The following THSD7B variants were observed in gnomAD, a reference collection of about 807,000 sequenced individuals.
The protein encoded by THSD7B is thrombospondin type 1 domain containing 7B, also known as thrombospondin type-1 domain-containing protein 7B.
Under a neutral mutation model 213.6 loss-of-function variants are expected in THSD7B, and 138 were observed. The ratio of observed to expected loss-of-function variants is 0.65; its 90% confidence interval spans 0.56 to 0.74. THSD7B has a LOEUF of 0.74. Ranked by LOEUF, THSD7B falls within the 30% of genes least tolerant of loss-of-function variation. THSD7B has a pLI of 0.00. For synonymous variants in THSD7B, 742 were observed against 687.0 expected, an observed-to-expected ratio of 1.08 and a Z score of -1.25; for missense variants, 1,931 against 1,991.5, an observed-to-expected ratio of 0.97 and a Z score of 0.58.
chr2:137,136,958 C>T (rs554933833), intron 5 of THSD7B, among the ~76,000 whole-genome samples: 41 of 152,258 alleles, frequency 2.7e-4, no homozygotes, highest in Non-Finnish European at 4.1e-4. Context: ...AAATTGCTTT[C>T]GCCAATGTTC....
intron 1 of THSD7B, among the ~76,000 whole-genome samples, chr2:136,806,556 T>G (rs762588885): frequency 2.6e-5 from 4 of 152,204 alleles, no homozygotes; most frequent in Non-Finnish European, 5.9e-5. Context: ...AATAAACTTT[T>G]AATTTTAGAA....
At chr2:137,105,173 A>C (rs547567325) in intron 4 of THSD7B, among the ~76,000 whole-genome samples, 1 of 152,358 alleles carries the variant, frequency 6.6e-6, no homozygotes, top group Non-Finnish European at 1.5e-5. Context: ...GTACTGGCAA[A>C]TCGAATCCAG....
intron 3 of THSD7B, among the ~76,000 whole-genome samples, chr2:137,067,911 C>T (rs777810463): frequency 6.6e-6 from 1 of 152,040 alleles, no homozygotes; most frequent in Non-Finnish European, 1.5e-5. Context: ...GGTATACTCA[C>T]AAAAGTATAG....
intron 15 of THSD7B, among the ~76,000 whole-genome samples, chr2:137,480,260 T>C (rs745546458): frequency 6.6e-6 from 1 of 152,170 alleles, no homozygotes; most frequent in Non-Finnish European, 1.5e-5. Context: ...ATAGAAAATC[T>C]CCTTTATCAT....
intron 15 of THSD7B, among the ~76,000 whole-genome samples, chr2:137,558,828 C>A (rs1360885660): frequency 6.6e-6 from 1 of 152,118 alleles, no homozygotes; most frequent in African/African-American, 2.4e-5. Context: ...TCATCTCAGC[C>A]CCAAATCTCC....
chr2:136,775,167 T>G (rs1276961528), intron 1 of THSD7B, among the ~76,000 whole-genome samples: 1 of 152,160 alleles, frequency 6.6e-6, no homozygotes, highest in Non-Finnish European at 1.5e-5. Context: ...GGCATCTTAC[T>G]CATTTTTGGA....
chr2:136,878,875 G>A lies in THSD7B; in HGVS notation c.-35-3269G>A, dbSNP rs947493273. Among the ~76,000 whole-genome samples the A allele has an allele frequency of 1.8e-4, 27 of 152,226 alleles. 1 individual carries two copies. The highest frequency in any genetic ancestry group is 3.8e-4 in the African/African-American group (16 of 41,572). On this transcript the variant is annotated intron_variant, in intron 1 of 27. Transcript: ENST00000409968. ...CTCCCATTCTGTAGGTTGCCTGTTT[G>A]CTCTGGTGGTAGTTTCTTTTGCGGT...
chr2:137,257,055 C>T (rs1319885419), intron 10 of THSD7B, among the ~76,000 whole-genome samples: 3 of 152,068 alleles, frequency 2.0e-5, no homozygotes, highest in Admixed American at 6.6e-5. Context: ...TCTTTGGCAT[C>T]TTATAAAGCT....
chr2:136,923,480 G>A (rs1684470721), intron 2 of THSD7B, among the ~76,000 whole-genome samples: 1 of 152,070 alleles, frequency 6.6e-6, no homozygotes, highest in African/African-American at 2.4e-5. Flanking sequence ...AATATATCTG[G>A]GGTTGTTGGA....
intron 1 of THSD7B, among the ~76,000 whole-genome samples, chr2:136,860,213 G>C (rs1411869453): frequency 6.6e-6 from 1 of 151,956 alleles, no homozygotes; most frequent in African/African-American, 2.4e-5. Context: ...AGTAGAATGA[G>C]AGAACTCAAA....
At chr2:137,476,620 G>A (rs533722646) in intron 15 of THSD7B, among the ~76,000 whole-genome samples, 75 of 152,280 alleles carry the variant, frequency 4.9e-4, no homozygotes, top group African/African-American at 1.7e-3. Flanking sequence ...TGGAAAATCA[G>A]TTGTCTATAA....
chr2:137,559,531 A>T (rs1337553613), intron 15 of THSD7B, among the ~76,000 whole-genome samples: 1 of 152,208 alleles, frequency 6.6e-6, no homozygotes, highest in Admixed American at 6.5e-5. Context: ...CTGAAACTGG[A>T]TCCCTTCCTT....
At chr2:137,329,302 T>C (rs1279014835) in intron 12 of THSD7B, among the ~76,000 whole-genome samples, 2 of 152,220 alleles carry the variant, frequency 1.3e-5, no homozygotes, top group African/African-American at 4.8e-5. Flanking sequence ...ATATTGTCCC[T>C]GCCCTAGAGA....
In THSD7B at chr2:137,063,363, T is replaced by A. The variant is rs1458202728; in HGVS notation, c.950+6133T>A. Among the ~76,000 whole-genome samples the A allele has an allele frequency of 2.0e-5, 3 of 151,942 alleles. No homozygotes were observed. The East Asian group carries it at 5.8e-4, about 29-fold the overall frequency. On this transcript the variant is annotated intron_variant, in intron 3 of 27. Transcript: ENST00000409968. ...TCCTTGTTCTTTGCTCCTTTTTAATTTTAATTTATTATTTTTTATTTAATT... is the reference window on the plus strand; with the variant it reads ...TCCTTGTTCTTTGCTCCTTTTTAATATTAATTTATTATTTTTTATTTAATT...
intron 2 of THSD7B, among the ~76,000 whole-genome samples, chr2:136,938,271 G>A (rs1162117553): frequency 6.6e-6 from 1 of 152,280 alleles, no homozygotes; most frequent in East Asian, 1.9e-4. Context: ...CAGAAAATGA[G>A]CCTTGGTCAC....
At chr2:137,304,761 T>C (rs900977138) in intron 12 of THSD7B, among the ~76,000 whole-genome samples, 9 of 152,234 alleles carry the variant, frequency 5.9e-5, no homozygotes, top group African/African-American at 2.2e-4. Context: ...CTTTTCCTTC[T>C]TTCCGTTTTT....
intron 9 of THSD7B, among the ~76,000 whole-genome samples, chr2:137,236,926 C>G (rs1394566568): frequency 6.6e-6 from 1 of 152,112 alleles, no homozygotes; most frequent in Non-Finnish European, 1.5e-5. Flanking sequence ...GCCTGGCCAA[C>G]ATGGTGAAAC....
chr2:136,869,782 G>A (rs1477018717), intron 1 of THSD7B, among the ~76,000 whole-genome samples: 1 of 152,150 alleles, frequency 6.6e-6, no homozygotes, highest in African/African-American at 2.4e-5. Context: ...TTTTAAAAAT[G>A]AGTGTCAGCG....
intron 3 of THSD7B, among the ~76,000 whole-genome samples, chr2:137,085,222 A>G (rs1227366734): frequency 6.6e-6 from 1 of 152,204 alleles, no homozygotes; most frequent in Non-Finnish European, 1.5e-5. Context: ...TAATCAGCCA[A>G]TAGTAATGAT....
Sources: gnomAD v4.1 joint callset for allele counts (sites outside exome capture counted in the v4.1 genomes callset) on GRCh38, gnomAD v4.1.1 for gene constraint, MANE v1.5 for transcripts, NCBI Gene and HGNC (gene_info 2026-07-23, HGNC 2026-07-21) for gene names.